The following AFG2B variants were observed in gnomAD, a reference collection of about 807,000 sequenced individuals.
The protein encoded by AFG2B is ATPase family gene 2 protein homolog B.
At chr15:45,421,237 C>G in the AFG2B span, 1 of 1,505,400 alleles carries the variant, frequency 6.6e-7, no homozygotes, top group Non-Finnish European at 8.9e-7. Context: ...TTGTTCAGTT[C>G]ACATTAATTG....
chr15:45,413,558 A>G, the AFG2B span, among the ~76,000 whole-genome samples: 54 of 152,216 alleles, frequency 3.5e-4, no homozygotes, highest in Non-Finnish European at 6.8e-4. Context: ...TCAAATATCC[A>G]TCCCTTCCAC....
the AFG2B span, chr15:45,402,769 C>T: frequency 1.3e-6 from 2 of 1,583,838 alleles, no homozygotes; most frequent in Non-Finnish European, 1.7e-6. Context: ...CGCCGTGTGG[C>T]CGGTGTTGCG....
the AFG2B span, among the ~76,000 whole-genome samples, chr15:45,414,054 C>T: frequency 2.6e-4 from 39 of 152,110 alleles, no homozygotes; most frequent in South Asian, 6.9e-3. Flanking sequence ...ACAAACCCAA[C>T]GTGGAAAAAT....
the AFG2B span, among the ~76,000 whole-genome samples, chr15:45,404,833 A>AAT: frequency 6.1e-5 from 9 of 147,944 alleles, no homozygotes; most frequent in Non-Finnish European, 5.9e-5. Context: ...AGAAAAAAAA[A>AAT]ATATATATAT....
chr15:45,417,300 G>C, the AFG2B span: 1 of 1,614,042 alleles, frequency 6.2e-7, no homozygotes, highest in South Asian at 1.1e-5. Context: ...GAAGTGTCAT[G>C]ATTATTGCAG....
the AFG2B span, chr15:45,414,925 G>A: frequency 1.5e-6 from 1 of 685,202 alleles, no homozygotes; most frequent in South Asian, 2.1e-5. Context: ...ATATAGGAAA[G>A]TGTAAATATG....
At chr15:45,409,618 T>G in the AFG2B span, among the ~76,000 whole-genome samples, 1 of 152,012 alleles carries the variant, frequency 6.6e-6, no homozygotes. Context: ...CCCAGCACTT[T>G]GGGAGGCTGA....
chr15:45,404,158 G>C, the AFG2B span, among the ~76,000 whole-genome samples: 1 of 152,146 alleles, frequency 6.6e-6, no homozygotes, highest in African/African-American at 2.4e-5. Flanking sequence ...GAAATTTAGT[G>C]ACTGATATTT....
the AFG2B span, among the ~76,000 whole-genome samples, chr15:45,409,655 G>A: frequency 1.3e-5 from 2 of 151,986 alleles, no homozygotes; most frequent in African/African-American, 2.4e-5. Flanking sequence ...GAGCCCATGA[G>A]TTCCAGACCA....
At chr15:45,417,326 A>T in the AFG2B span, 1 of 1,614,108 alleles carries the variant, frequency 6.2e-7, no homozygotes, top group South Asian at 1.1e-5. Context: ...AATAGACCTG[A>T]TGTGTTAGAT....
the AFG2B span, chr15:45,402,393 C>A: frequency 1.9e-6 from 3 of 1,558,868 alleles, no homozygotes; most frequent in Non-Finnish European, 2.6e-6. Flanking sequence ...GGTGGGTTTC[C>A]TAATCTGGTT....
the AFG2B span, among the ~76,000 whole-genome samples, chr15:45,420,856 G>T: frequency 6.6e-6 from 1 of 152,136 alleles, no homozygotes; most frequent in African/African-American, 2.4e-5. Context: ...GTTGGGCGTG[G>T]TGGCAGCCTT....
chr15:45,414,990 C>CT, the AFG2B span, among the ~76,000 whole-genome samples: 1 of 151,914 alleles, frequency 6.6e-6, no homozygotes, highest in Non-Finnish European at 1.5e-5. Context: ...TTTCCTTTGT[C>CT]TTTTTTTCTG....
the AFG2B span, among the ~76,000 whole-genome samples, chr15:45,411,465 A>C: frequency 9.0e-4 from 137 of 152,258 alleles, no homozygotes; most frequent in African/African-American, 3.1e-3. Flanking sequence ...CTACAGGTGC[A>C]TACCACCACG....
At chr15:45,402,868 G>T in the AFG2B span, 1 of 1,598,530 alleles carries the variant, frequency 6.3e-7, no homozygotes. Flanking sequence ...GATCTCCCTG[G>T]GCCACGTGGT....
the AFG2B span, chr15:45,402,540 C>A: frequency 1.3e-6 from 2 of 1,593,858 alleles, no homozygotes; most frequent in Non-Finnish European, 1.7e-6. Context: ...CCGCCCTCCA[C>A]GCCCTGGGCG....
At chr15:45,406,029 A>T in the AFG2B span, among the ~76,000 whole-genome samples, 1 of 152,164 alleles carries the variant, frequency 6.6e-6, no homozygotes, top group Non-Finnish European at 1.5e-5. Context: ...GCGAAAACGT[A>T]AGTGTATATT....
the AFG2B span, chr15:45,402,802 G>C: frequency 6.3e-7 from 1 of 1,594,476 alleles, no homozygotes. Flanking sequence ...CGCGCCCGGT[G>C]CCCGGAATAC....
At chr15:45,405,996 A>C in the AFG2B span, among the ~76,000 whole-genome samples, 1 of 152,104 alleles carries the variant, frequency 6.6e-6, no homozygotes, top group African/African-American at 2.4e-5. Flanking sequence ...AGCATATACT[A>C]CATCCATGAT....
Sources: allele counts gnomAD v4.1 joint callset (sites outside exome capture counted in the v4.1 genomes callset), GRCh38; gene constraint gnomAD v4.1.1; transcripts MANE v1.5; gene names NCBI Gene and HGNC (gene_info 2026-07-23, HGNC 2026-07-21).